FANCI: variants seen among roughly 807,000 people sequenced by gnomAD.
The protein encoded by FANCI is Fanconi anemia group I protein.
In FANCI, 156 loss-of-function variants were observed where a neutral mutation model predicts 176.1. The ratio of observed to expected loss-of-function variants is 0.89; its 90% CI spans 0.78 to 1.01. The LOEUF is 1.01. Ranked by LOEUF, FANCI falls within the 50% of genes least tolerant of loss-of-function variation. The probability of loss-of-function intolerance (pLI) is 0.00; values close to 1 mark genes in which losing one functional copy is unlikely to be tolerated. For synonymous variants in FANCI, 613 were observed against 541.7 expected (o/e 1.13, Z -1.83); for missense variants, 1,678 against 1,534.1 (o/e 1.09, Z -1.57).
intron 27 of FANCI, among the ~76,000 whole-genome samples, chr15:89,303,155 T>TG (rs2151886786): frequency 6.6e-6 from 1 of 152,370 alleles, no homozygotes; most frequent in South Asian, 2.1e-4. Flanking sequence ...TCTGAAGATC[T>TG]TTTAATATCA....
chr15:89,301,272 C>A, intron 26 of FANCI, 54 bp from the exon 27 acceptor site: 1 of 1,183,500 alleles, frequency 8.4e-7, no homozygotes, highest in Non-Finnish European at 1.3e-6. Flanking sequence ...CCTCTTCTTC[C>A]TGATAGGAAC....
At position 89,316,359 on chromosome 15, in the gene FANCI, G is replaced by A. The variant is rs760908781; in HGVS notation, c.3925-38G>A. The A allele has an allele frequency of 5.7e-6, 9 of 1,589,820 alleles. No homozygotes were observed. The South Asian group carries it at 7.9e-5, about 14-fold the overall frequency. ...TTTTATTTCCACTGCCTTGGAGCAGGTTTATCACGTTAGAGCATTAATTCT... is the reference window on the plus strand; with the variant it reads ...TTTTATTTCCACTGCCTTGGAGCAGATTTATCACGTTAGAGCATTAATTCT... On this transcript the variant is annotated intron_variant, in intron 37 of 37. Coordinates refer to ENST00000310775, the MANE Select transcript of FANCI (RefSeq NM_001113378.2).
In FANCI at chr15:89,268,531, A is replaced by T. The variant is rs752304130; in HGVS notation, c.882+6A>T. The T allele has an allele frequency of 1.9e-6, 3 of 1,614,150 alleles. No homozygotes were observed. Among genetic ancestry groups the T allele is most frequent in the Non-Finnish European group, 1.7e-6 (2 of 1,180,012 alleles). ...AACTCGTGAAACACTTAAAGGTAGC[A>T]TCAAACTTGTAAGGTGATCTGGGTC... On this transcript the variant is annotated splice_donor_region_variant and intron_variant, in intron 10 of 37. Transcript: ENST00000310775.
intron 6 of FANCI, among the ~76,000 whole-genome samples, chr15:89,262,634 C>T (rs1172033349): frequency 1.3e-5 from 2 of 152,102 alleles, no homozygotes; most frequent in Non-Finnish European, 2.9e-5. Context: ...TTTATGGTTC[C>T]TTACATAAGA....
At chr15:89,263,543 C>T in intron 7 of FANCI, 83 bp downstream of exon 7, 6 of 1,139,434 alleles carry the variant, frequency 5.3e-6, no homozygotes, top group Non-Finnish European at 8.0e-6. Context: ...CAAACGTAAA[C>T]ATCACTCTCT....
chr15:89,311,670 C>G (rs889610376), intron 34 of FANCI, among the ~76,000 whole-genome samples: 2 of 152,226 alleles, frequency 1.3e-5, no homozygotes, highest in African/African-American at 4.8e-5. Context: ...TTACTGCATA[C>G]CAGCCCCTCT....
chr15:89,302,773 C>A (rs1030048275), intron 27 of FANCI, among the ~76,000 whole-genome samples: 3 of 152,112 alleles, frequency 2.0e-5, no homozygotes, highest in African/African-American at 4.8e-5. Flanking sequence ...CGGGGTTTCA[C>A]CGTGTTAGCC....
chr15:89,295,176 G>C, intron 24 of FANCI, 82 bp downstream of exon 24: 7 of 1,429,722 alleles, frequency 4.9e-6, no homozygotes, highest in Non-Finnish European at 6.6e-6. Flanking sequence ...AGAGGATGAA[G>C]GTAATTTGAG....
At chr15:89,280,936 C>G (rs1196468288) in intron 14 of FANCI, among the ~76,000 whole-genome samples, 1 of 152,086 alleles carries the variant, frequency 6.6e-6, no homozygotes, top group Non-Finnish European at 1.5e-5. Flanking sequence ...TTCTTCCTTT[C>G]TTTTAGGCAG....
At chr15:89,258,956 G>C (rs2052608380) in intron 3 of FANCI, 180 bp downstream of exon 3, 1 of 590,828 alleles carries the variant, frequency 1.7e-6, no homozygotes, top group Non-Finnish European at 3.0e-6. Flanking sequence ...TTTACTGAAG[G>C]GAGTTTGAAG....
At position 89,285,149 on chromosome 15, in the gene FANCI, C is replaced by T; in HGVS notation, c.1752C>T (p.Cys584=). 6.2e-7 allele frequency: 1 copy of T among 1,614,114 alleles called. No homozygotes were observed. The highest frequency in any genetic ancestry group is 2.2e-5 in the East Asian group (1 of 44,864). ...HYNSVANETF[C]LEIMDSLRRC... is the part of the protein sequence containing the mutation. ...ATTCTGTCGCCAATGAAACTTTTTG[C>T]CTTGAGATCATGGATAGTTTGAGGA... Residue 584 remains cysteine, a synonymous_variant, in exon 18 of 38, where the codon TGC becomes TGT. Transcript: ENST00000310775.
At chr15:89,301,837 T>G (rs945188792) in intron 27 of FANCI, among the ~76,000 whole-genome samples, 1 of 152,222 alleles carries the variant, frequency 6.6e-6, no homozygotes, top group African/African-American at 2.4e-5. Flanking sequence ...CATTCAGCAG[T>G]TGACTTTCTC....
At chr15:89,252,852 T>C (rs78526681) in intron 2 of FANCI, among the ~76,000 whole-genome samples, 32 of 152,344 alleles carry the variant, frequency 2.1e-4, no homozygotes, top group South Asian at 1.4e-3. Context: ...CTGTTCTTGA[T>C]TGGGGAGTCT....
chr15:89,311,628 G>C (rs9920768), intron 34 of FANCI, among the ~76,000 whole-genome samples: 85,414 of 151,870 alleles, frequency 0.56, 25,688 homozygotes, highest in African/African-American at 0.79. Flanking sequence ...CCTCTTCCAT[G>C]CTCTACCCTG....
intron 18 of FANCI, among the ~76,000 whole-genome samples, chr15:89,285,589 C>G (rs1188775784): frequency 2.6e-5 from 4 of 152,296 alleles, no homozygotes; most frequent in Non-Finnish European, 4.4e-5. Context: ...TGCCCTCCAA[C>G]CCAGGCAACA....
chr15:89,265,161 G>T (rs928027026), intron 9 of FANCI, among the ~76,000 whole-genome samples: 5 of 152,172 alleles, frequency 3.3e-5, no homozygotes, highest in African/African-American at 1.2e-4. Flanking sequence ...AAAGGCAGAA[G>T]AACAGTGTGA....
rs573652425 is a variant in FANCI at position 89,285,124 on chromosome 15, A to T, written c.1727A>T (p.Asn576Ile). The T allele has an allele frequency of 1.9e-6, 3 of 1,614,136 alleles. No individual in the cohort carries two copies. The highest frequency in any genetic ancestry group is 2.2e-5 in the East Asian group (1 of 44,856). The change falls in exon 18 of 38, where the codon AAT becomes ATT. Residue 576 changes from asparagine to isoleucine, a missense_variant. Around this residue, in one of 3 missense-constraint regions of FANCI, gnomAD observed 1,204 missense variants for 1,077.4 expected, o/e 1.12. Transcript: ENST00000310775. ...CATGTGGATGTTCACAGCCATTACA[A>T]TTCTGTCGCCAATGAAACTTTTTGC... Reference protein sequence around the residue: ...QVHVDVHSHYNSVANETFCLE... With the variant: ...QVHVDVHSHYISVANETFCLE...
intron 10 of FANCI, 143 bp from the exon 11 acceptor site, chr15:89,273,234 A>G (rs918702019): frequency 5.1e-6 from 3 of 589,250 alleles, no homozygotes; most frequent in African/African-American, 1.9e-5. Context: ...AGCCTGGGAA[A>G]TCAAGGCTGC....
At position 89,317,027 on chromosome 15, in the gene FANCI, A is replaced by G. The variant is rs2055291592; in HGVS notation, c.*568A>G. Reference sequence around the variant, plus strand: ...GTCTTAGATATATTTTAAATAGAAAATAAGCTTTCTGATTTACTTGTTTGG... The same window carrying G: ...GTCTTAGATATATTTTAAATAGAAAGTAAGCTTTCTGATTTACTTGTTTGG... On this transcript the variant is annotated 3_prime_UTR_variant, in exon 38 of 38. Coordinates refer to ENST00000310775, the MANE Select transcript of FANCI (RefSeq NM_001113378.2). 1.7e-6 allele frequency: 1 copy of G among 605,684 alleles called. No homozygotes were observed. Among genetic ancestry groups the G allele is most frequent in the Non-Finnish European group, 2.9e-6 (1 of 343,276 alleles). 37.5% of individuals were successfully genotyped at this position (605,684 alleles called of 1,614,324 possible).
Sources: allele counts gnomAD v4.1 joint callset (sites outside exome capture counted in the v4.1 genomes callset), GRCh38; gene constraint gnomAD v4.1.1; regional missense constraint gnomAD v4.1.1; transcripts MANE v1.5; gene names NCBI Gene and HGNC (gene_info 2026-07-23, HGNC 2026-07-21).